The following RASEF variants were observed in gnomAD, a reference collection of about 807,000 sequenced individuals.
RASEF encodes the protein RAS and EF-hand domain containing, also known as ras and EF-hand domain-containing protein.
Under a neutral mutation model 90.1 loss-of-function variants are expected in RASEF, and 68 were observed. The observed-to-expected ratio is 0.75, with a 90% CI of 0.62 to 0.92. The LOEUF (loss-of-function observed/expected upper bound fraction) is 0.92, where lower values mean the gene tolerates loss of function less well. Among genes scored for constraint, RASEF ranks in the 40% least tolerant of loss-of-function variants. RASEF has a pLI of 0.00. For missense variants in RASEF, 949 were observed against 937.2 expected (o/e 1.01, Z -0.16); for synonymous variants, 331 against 345.2 (o/e 0.96, Z 0.46).
At chr9:83,058,330 C>A (rs1830139303) in intron 1 of RASEF, among the ~76,000 whole-genome samples, 1 of 150,576 alleles carries the variant, frequency 6.6e-6, no homozygotes, top group African/African-American at 2.5e-5. Flanking sequence ...CTACAGGTGC[C>A]CGCTACCACG....
rs59546421 is a variant in RASEF, at chr9:83,059,269, T to TACACACACAC, written c.431+3158_431+3167dup. The stretch of plus-strand genomic sequence containing the variant: ...TCTCAGCCATCCATCAAATGCTCAA[T>TACACACACAC]ACACACACACACACACACACACACA... On this transcript the variant is annotated intron_variant, in intron 1 of 16. Transcript: ENST00000376447. Among the ~76,000 whole-genome samples, 276 of 129,118 alleles carry TACACACACAC rather than the reference T, an allele frequency of 2.1e-3. 1 individual carries two copies. Among genetic ancestry groups the TACACACACAC allele is most frequent in the Middle Eastern group, 7.5e-3 (2 of 268 alleles). 84.7% of individuals were successfully genotyped at this position (129,118 alleles called of 152,430 possible). A position where few individuals can be genotyped will look rare whatever the true frequency, so the allele number is the denominator to read the frequency against.
At chr9:83,086,839 C>A in the RASEF span, among the ~76,000 whole-genome samples, 1 of 152,108 alleles carries the variant, frequency 6.6e-6, no homozygotes, top group Admixed American at 6.5e-5. Flanking sequence ...AGAGATAAAT[C>A]AAGCAGCCCA....
the RASEF span, among the ~76,000 whole-genome samples, chr9:83,083,775 T>C: frequency 6.6e-6 from 1 of 152,176 alleles, no homozygotes; most frequent in South Asian, 2.1e-4. Flanking sequence ...CATACACTAC[T>C]ATTAGAATAA....
the RASEF span, among the ~76,000 whole-genome samples, chr9:83,119,047 A>T: frequency 4.8e-5 from 7 of 146,270 alleles, no homozygotes; most frequent in East Asian, 1.4e-3. Context: ...TTGCTCTGTT[A>T]CCCAATCTGG....
At chr9:83,034,361 C>T (rs1165306368) in intron 1 of RASEF, among the ~76,000 whole-genome samples, 1 of 152,232 alleles carries the variant, frequency 6.6e-6, no homozygotes, top group Admixed American at 6.5e-5. Flanking sequence ...TTCTAATCTA[C>T]ATTTTAAACC....
At chr9:82,991,633 A>G (rs1013385299) in intron 15 of RASEF, among the ~76,000 whole-genome samples, 1 of 152,188 alleles carries the variant, frequency 6.6e-6, no homozygotes, top group African/African-American at 2.4e-5. Flanking sequence ...ATCTGCAAAC[A>G]CCACAAAGTA....
Position 82,980,436 on chromosome 9 carries a change from T to A in RASEF, c.*2241A>T, listed in dbSNP as rs1365516384. On this transcript the variant is annotated 3_prime_UTR_variant, in exon 17 of 17. Coordinates refer to ENST00000376447, the MANE Select transcript of RASEF (RefSeq NM_152573.4). ...AAATATTTATCAGGGCTCAAATACT[T>A]AAAGATGATTGGTTGACCATCAAAG... 1 of 110,364 alleles carries A rather than the reference T, an allele frequency of 9.1e-6. No individual in the cohort carries two copies. The highest frequency in any genetic ancestry group is 1.9e-5 in the Non-Finnish European group (1 of 51,626). 6.8% of individuals were successfully genotyped at this position (110,364 alleles called of 1,614,324 possible).
chr9:83,027,815 G>A (rs999427955), intron 1 of RASEF, among the ~76,000 whole-genome samples: 13 of 152,086 alleles, frequency 8.5e-5, no homozygotes, highest in Non-Finnish European at 1.9e-4. Flanking sequence ...GCTATGGATG[G>A]ATGCTATAGC....
the RASEF span, among the ~76,000 whole-genome samples, chr9:83,108,098 G>A: frequency 1.3e-5 from 2 of 152,238 alleles, no homozygotes; most frequent in South Asian, 2.1e-4. Flanking sequence ...CAACTGGAGA[G>A]GAACATGAGG....
the RASEF span, among the ~76,000 whole-genome samples, chr9:83,164,991 C>A: frequency 6.6e-6 from 1 of 151,748 alleles, no homozygotes; most frequent in East Asian, 1.9e-4. Flanking sequence ...ATCAGAGAAT[C>A]AAAATACATA....
In RASEF at chr9:83,001,100, GTCC is replaced by G. The variant is rs766972427; in HGVS notation, c.1230_1232del (p.Glu410del). 11 of 1,614,010 alleles carry G rather than the reference GTCC, an allele frequency of 6.8e-6. No homozygotes were observed. The South Asian group carries it at 1.2e-4, about 18-fold the overall frequency. On this transcript the variant is annotated inframe_deletion, in exon 10 of 17. Transcript: ENST00000376447. ...GATCACAGAGGGCCAGGGAGTCACA[GTCC>G]TCATCCACATAGGAAGAGCGGGATG...
At chr9:83,014,368 A>G (rs115532282) in intron 4 of RASEF, among the ~76,000 whole-genome samples, 2,097 of 152,190 alleles carry the variant, frequency 0.014, 48 homozygotes, top group African/African-American at 0.047. Flanking sequence ...TGACATAATC[A>G]TGGCTCACTG....
At chr9:83,029,434 C>G (rs1430006195) in intron 1 of RASEF, among the ~76,000 whole-genome samples, 3 of 150,672 alleles carry the variant, frequency 2.0e-5, no homozygotes, top group Non-Finnish European at 4.4e-5. Flanking sequence ...GCTCTGTCAC[C>G]CAGGCTGGAG....
chr9:83,007,447 C>T lies in RASEF; in HGVS notation c.1018G>A (p.Glu340Lys). The T allele has an allele frequency of 6.2e-7, 1 of 1,610,118 alleles. No individual in the cohort carries two copies. The highest frequency in any genetic ancestry group is 8.5e-7 in the Non-Finnish European group (1 of 1,176,378). ...GATCTGCGGACTTACTGGAGTATTT[C>T]AATTTGCCTCTCAAGACTATTTCGA... is the stretch of plus-strand genomic sequence containing the variant. ...EDRNSLERQI[E>K]ILQTANRKLH... Residue 340 changes from glutamate to lysine, a missense_variant, in exon 7 of 17, where the codon GAA (glutamate) becomes AAA (lysine). Glu to Lys is a moderately conservative substitution (Grantham distance 56, BLOSUM62 1). Around this residue, in one of 3 missense-constraint regions of RASEF, gnomAD observed 656 missense variants for 592.2 expected, o/e 1.11. Transcript: ENST00000376447.
chr9:83,064,920 T>C (rs1239365490), upstream of RASEF, among the ~76,000 whole-genome samples: 1 of 152,044 alleles, frequency 6.6e-6, no homozygotes, highest in Non-Finnish European at 1.5e-5. Flanking sequence ...TACAAAAAAT[T>C]AGCTGGGCGT....
upstream of RASEF, chr9:83,063,311 G>C (rs1379617152): frequency 5.7e-6 from 1 of 176,730 alleles, no homozygotes; most frequent in African/African-American, 2.4e-5. Flanking sequence ...TGGGATTCGG[G>C]GGGAGCATTG....
At chr9:83,052,923 T>C (rs910234076) in intron 1 of RASEF, among the ~76,000 whole-genome samples, 3 of 148,286 alleles carry the variant, frequency 2.0e-5, no homozygotes, top group African/African-American at 7.8e-5. Context: ...TTGTTATAAT[T>C]TCTGTTCTTT....
chr9:83,146,289 A>G, the RASEF span, among the ~76,000 whole-genome samples: 1 of 152,114 alleles, frequency 6.6e-6, no homozygotes. Flanking sequence ...GGAATAGGCT[A>G]GATCATCCCT....
At chr9:83,164,373 A>ATATATATATATATG in the RASEF span, among the ~76,000 whole-genome samples, 91 of 141,948 alleles carry the variant, frequency 6.4e-4, no homozygotes, top group Admixed American at 1.4e-3. Context: ...ATATATATAT[A>ATATATATATATATG]TGTGTGTGTG....
Sources: gnomAD v4.1 joint callset for allele counts (sites outside exome capture counted in the v4.1 genomes callset) on GRCh38, gnomAD v4.1.1 for gene constraint, gnomAD v4.1.1 regional missense constraint, MANE v1.5 for transcripts, NCBI Gene and HGNC (gene_info 2026-07-23, HGNC 2026-07-21) for gene names.